MAS1: variants seen among roughly 807,000 people sequenced by gnomAD.
MAS1 encodes proto-oncogene Mas.
For missense variants in MAS1, 387 were observed against 409.7 expected (o/e 0.94, Z 0.48); for synonymous variants, 163 against 164.2 (o/e 0.99, Z 0.05).
chr6:159,891,763 C>A (rs1027143271), intron 1 of MAS1, among the ~76,000 whole-genome samples: 1 of 152,274 alleles, frequency 6.6e-6, no homozygotes, highest in South Asian at 2.1e-4. Flanking sequence ...AGCAACACTT[C>A]CCAGCCAGGA....
In MAS1 at chr6:159,908,240, GT is replaced by G. The variant is rs1782921740; in HGVS notation, c.*309del. 1 of 201,816 alleles carries G rather than the reference GT, an allele frequency of 5.0e-6. No individual in the cohort carries two copies. Among genetic ancestry groups the G allele is most frequent in the Non-Finnish European group, 1.0e-5 (1 of 100,328 alleles). The allele number at this position is 201,816 out of a possible 1,614,324, so 12.5% of individuals were successfully genotyped here. A position where few individuals can be genotyped will look rare whatever the true frequency, so the allele number is the denominator to read the frequency against. On this transcript the variant is annotated 3_prime_UTR_variant, in exon 3 of 3. Coordinates refer to ENST00000674077, the MANE Select transcript of MAS1 (RefSeq NM_002377.4). The stretch of plus-strand genomic sequence containing the variant: ...ACGGGACAAGGTAACAAAACTATTT[GT>G]TGGAACTTGAGGAGGCAGCTTGATG...
rs1782947967 is a variant in MAS1 at position 159,910,100 on chromosome 6, A to T, written c.*2167A>T. 1 of 152,248 alleles carries T rather than the reference A, an allele frequency of 6.6e-6. No homozygotes were observed. The highest frequency in any genetic ancestry group is 2.1e-4 in the South Asian group (1 of 4,834). The allele number at this position is 152,248 out of a possible 1,614,324, so 9.4% of individuals were successfully genotyped here. A position where few individuals can be genotyped will look rare whatever the true frequency, so the allele number is the denominator to read the frequency against. On this transcript the variant is annotated 3_prime_UTR_variant, in exon 3 of 3. Coordinates refer to ENST00000674077, the MANE Select transcript of MAS1 (RefSeq NM_002377.4). ...TCATTTGTATCCTTTAGGCATTCAG[A>T]CAATTTGCCTAAGTCATTGTAGGTT...
At chr6:159,898,641 TCCCTCTTCCTCCTCCTCCCTCCTCCTTC>T (rs1782786671) in intron 1 of MAS1, among the ~76,000 whole-genome samples, 1 of 7,350 alleles carries the variant, frequency 1.4e-4, no homozygotes, top group Admixed American at 1.9e-3. Flanking sequence ...TTCTTCCTCC[TCCCTCTTCCTCCTCCTCCCTCCTCCTTC>T]CTCTTCCTCC....
At position 159,907,065 on chromosome 6, in the gene MAS1, G is replaced by C. The variant is rs1438951571; in HGVS notation, c.110G>C (p.Trp37Ser). Residue 37 changes from tryptophan (W) to serine (S), a missense_variant, in exon 3 of 3, where the codon TGG becomes TCG. Coordinates refer to ENST00000674077, the MANE Select transcript of MAS1 (RefSeq NM_002377.4). ...NAHRQIPIVH[W>S]VIMSISPVGF... ...CATCGGCAAATCCCCATCGTGCACT[G>C]GGTCATTATGAGCATCTCCCCAGTG... The C allele has an allele frequency of 1.2e-6, 2 of 1,614,136 alleles. No homozygotes were observed. The highest frequency in any genetic ancestry group is 2.2e-5 in the South Asian group (2 of 91,090).
In MAS1 at chr6:159,909,380, TTGTCCTTCC is replaced by T. The variant is rs1562313297; in HGVS notation, c.*1448_*1456del. The T allele has an allele frequency of 6.6e-6, 1 of 152,230 alleles. No homozygotes were observed. Among genetic ancestry groups the T allele is most frequent in the Non-Finnish European group, 1.5e-5 (1 of 68,048 alleles). The allele number at this position is 152,230 out of a possible 1,614,324, so 9.4% of individuals were successfully genotyped here. Reference sequence around the variant, plus strand: ...TGATGTAATTGTTCTCTGTTGCTGCTTGTCCTTCCCCATCCTCTTCCTTTCTCAAAAGAA... The same window carrying T: ...TGATGTAATTGTTCTCTGTTGCTGCTCCATCCTCTTCCTTTCTCAAAAGAA... On this transcript the variant is annotated 3_prime_UTR_variant, in exon 3 of 3. Transcript: ENST00000674077.
At chr6:159,902,804 G>A (rs1205881794) in intron 2 of MAS1, among the ~76,000 whole-genome samples, 4 of 152,062 alleles carry the variant, frequency 2.6e-5, no homozygotes, top group East Asian at 1.9e-4. Flanking sequence ...TGGTTGGTTC[G>A]GACCCCTGGG....
rs1323806964 is a variant in MAS1 at position 159,908,691 on chromosome 6, A to T, written c.*758A>T. On this transcript the variant is annotated 3_prime_UTR_variant, in exon 3 of 3. Transcript: ENST00000674077. The stretch of plus-strand genomic sequence containing the variant: ...CGCGGATGTTATGATCTAACAAGCC[A>T]TGTGCTAGTGCATCATTTCAGGTTG... 7 of 152,204 alleles carry T rather than the reference A, an allele frequency of 4.6e-5. No individual in the cohort carries two copies. The highest frequency in any genetic ancestry group is 3.9e-4 in the Admixed American group (6 of 15,284). The allele number at this position is 152,204 out of a possible 1,614,324, so 9.4% of individuals were successfully genotyped here. A position where few individuals can be genotyped will look rare whatever the true frequency, so the allele number is the denominator to read the frequency against.
rs1782913293 is a variant in MAS1, at chr6:159,907,742, C to A, written c.787C>A (p.His263Asn). 1 of 1,613,622 alleles carries A rather than the reference C, an allele frequency of 6.2e-7. No homozygotes were observed. Among genetic ancestry groups the A allele is most frequent in the Middle Eastern group, 1.6e-4 (1 of 6,062 alleles). Residue 263 changes from histidine (H) to asparagine (N), a missense_variant, in exon 3 of 3, where the codon CAC becomes AAC. Coordinates refer to ENST00000674077, the MANE Select transcript of MAS1 (RefSeq NM_002377.4). ...TTGGTCGACCTTTGGGAACCTACAC[C>A]ACATTTCCCTGCTCTTCTCCACAAT... ...EYWSTFGNLH[H>N]ISLLFSTINS...
chr6:159,897,238 T>C (rs1052624569), intron 1 of MAS1, among the ~76,000 whole-genome samples: 1 of 151,914 alleles, frequency 6.6e-6, no homozygotes, highest in African/African-American at 2.4e-5. Flanking sequence ...GGAGTGCTGA[T>C]TGGTCAGGTT....
chr6:159,901,853 TAAAA>T (rs35452379), intron 2 of MAS1, among the ~76,000 whole-genome samples: 1 of 137,760 alleles, frequency 7.3e-6, no homozygotes. Flanking sequence ...ACCCTATCTC[TAAAA>T]AAAAAAAAAA....
chr6:159,894,178 G>A (rs879379338), intron 1 of MAS1, among the ~76,000 whole-genome samples: 3 of 152,136 alleles, frequency 2.0e-5, no homozygotes, highest in Non-Finnish European at 2.9e-5. Context: ...CCCAAGGAGA[G>A]TCTGTGGAGT....
intron 2 of MAS1, among the ~76,000 whole-genome samples, chr6:159,904,821 G>A (rs553677286): frequency 5.9e-5 from 9 of 152,304 alleles, no homozygotes; most frequent in Middle Eastern, 6.8e-3. Context: ...TTGCCGGGCC[G>A]TTCCTGCCTT....
intron 2 of MAS1, 128 bp from the exon 3 acceptor site, chr6:159,906,792 T>G: frequency 1.5e-6 from 1 of 689,574 alleles, no homozygotes; most frequent in Non-Finnish European, 2.4e-6. Flanking sequence ...CAAAGATAAC[T>G]GTAGAGTCTG....
upstream of MAS1, among the ~76,000 whole-genome samples, chr6:159,890,362 C>A (rs1782682840): frequency 6.6e-6 from 1 of 152,200 alleles, no homozygotes; most frequent in South Asian, 2.1e-4. Context: ...AACAGCTACT[C>A]CCAGGAGGAG....
intron 1 of MAS1, among the ~76,000 whole-genome samples, chr6:159,891,422 G>A (rs774924385): frequency 4.6e-5 from 7 of 152,064 alleles, no homozygotes; most frequent in Non-Finnish European, 7.4e-5. Flanking sequence ...TTTTTAACTC[G>A]TTGCAGGGGA....
intron 2 of MAS1, among the ~76,000 whole-genome samples, chr6:159,899,838 G>A (rs533718366): frequency 3.5e-4 from 53 of 152,198 alleles, no homozygotes; most frequent in African/African-American, 1.2e-3. Flanking sequence ...ACGAGGTCAG[G>A]AGTTCATGAC....
chr6:159,917,408 A>G lies in MAS1; in HGVS notation c.*9475A>G, dbSNP rs1055386321. Among the ~76,000 whole-genome samples, 7 of 152,228 alleles carry G rather than the reference A, an allele frequency of 4.6e-5. No individual in the cohort carries two copies. The highest frequency in any genetic ancestry group is 1.3e-4 in the Admixed American group (2 of 15,290). ...TCTGGATTCAGAGGGAATTATTGGA[A>G]CTTTTCAGAGATCAGGAATAAAATG... On this transcript the variant is annotated 3_prime_UTR_variant, in exon 3 of 3. Coordinates refer to ENST00000674077, the MANE Select transcript of MAS1 (RefSeq NM_002377.4).
intron 1 of MAS1, among the ~76,000 whole-genome samples, chr6:159,893,069 A>G (rs1782718404): frequency 6.6e-6 from 1 of 152,218 alleles, no homozygotes; most frequent in Admixed American, 6.5e-5. Context: ...TCAATGTCAA[A>G]ACCCCTCTTC....
At position 159,909,870 on chromosome 6, in the gene MAS1, G is replaced by A. The variant is rs540658232; in HGVS notation, c.*1937G>A. 219 of 152,228 alleles carry A rather than the reference G, an allele frequency of 1.4e-3. 3 individuals carry two copies. The highest frequency in any genetic ancestry group is 5.1e-3 in the African/African-American group (211 of 41,528). 9.4% of individuals were successfully genotyped at this position (152,228 alleles called of 1,614,324 possible). A position where few individuals can be genotyped will look rare whatever the true frequency, so the allele number is the denominator to read the frequency against. On this transcript the variant is annotated 3_prime_UTR_variant, in exon 3 of 3. Coordinates refer to ENST00000674077, the MANE Select transcript of MAS1 (RefSeq NM_002377.4). ...TTTCTGCAGATAAAGTGGGGAAATC[G>A]AATGTGATAATGAATATAAAAATTA...
Sources: allele counts gnomAD v4.1 joint callset (sites outside exome capture counted in the v4.1 genomes callset), GRCh38; gene constraint gnomAD v4.1.1; transcripts MANE v1.5; gene names NCBI Gene and HGNC (gene_info 2026-07-23, HGNC 2026-07-21).